SLC12A7: variants seen among roughly 807,000 people sequenced by gnomAD.
SLC12A7 encodes the protein K-Cl cotransporter 4.
In SLC12A7, 100 loss-of-function variants were observed where a neutral mutation model predicts 120.6. The observed-to-expected ratio is 0.83, with a 90% CI of 0.71 to 0.98. The LOEUF (loss-of-function observed/expected upper bound fraction) is 0.98. SLC12A7 is among the 50% of genes least tolerant of loss of function. The probability of loss-of-function intolerance (pLI) is 0.00; values close to 1 mark genes in which losing one functional copy is unlikely to be tolerated. For missense variants in SLC12A7, 1,373 were observed against 1,548.1 expected (o/e 0.89, Z 1.90); for synonymous variants, 760 against 678.0 (o/e 1.12, Z -1.88).
rs979437488 is a variant in SLC12A7, at chr5:1,109,187, G to A, written c.124+2681C>T. Among the ~76,000 whole-genome samples, 42 of 152,242 alleles carry A rather than the reference G, an allele frequency of 2.8e-4. 1 individual carries two copies. Among genetic ancestry groups the A allele is most frequent in the South Asian group, 2.1e-4 (1 of 4,820 alleles). On this transcript the variant is annotated intron_variant, in intron 1 of 23. Transcript: ENST00000264930. ...CACGCTGCACCTTCCAGACAGGCCG[G>A]GGCACTGGCCAGCCCTCCTTTCCCA... is the stretch of plus-strand genomic sequence containing the variant.
intron 8 of SLC12A7, among the ~76,000 whole-genome samples, chr5:1,083,345 G>A (rs1342009266): frequency 1.3e-5 from 2 of 152,300 alleles, no homozygotes; most frequent in South Asian, 4.1e-4. Flanking sequence ...CCCTGCCAGG[G>A]GTCCTTTTCC....
chr5:1,076,134 T>A lies in SLC12A7; in HGVS notation c.1847+4A>T. ...CTCCTCACGCCCGTGCTGAGTGGCC[T>A]CACCAGTGGTAGAACTTGAAGCGTG... On this transcript the variant is annotated splice_donor_region_variant and intron_variant, in intron 14 of 23. Coordinates refer to ENST00000264930, the MANE Select transcript of SLC12A7 (RefSeq NM_006598.3). 1 of 1,608,704 alleles carries A rather than the reference T, an allele frequency of 6.2e-7. No individual in the cohort carries two copies. Among genetic ancestry groups the A allele is most frequent in the Non-Finnish European group, 8.5e-7 (1 of 1,177,852 alleles).
rs936128917 is a variant in SLC12A7, at chr5:1,075,437, G to A, written c.1901C>T (p.Ser634Phe). ...CATGGCGGACAGCGCGTAGTACCAG[G>A]AGCAGATGAACATCAGCGCCAGGCA... ...SLCLALMFIC[S>F]WYYALSAMLI... Residue 634 changes from serine (S) to phenylalanine (F), a missense_variant, in exon 15 of 24, where the codon TCC (serine) becomes TTC (phenylalanine). Ser to Phe is a radical substitution (Grantham distance 155, BLOSUM62 -2). Coordinates refer to ENST00000264930, the MANE Select transcript of SLC12A7 (RefSeq NM_006598.3). 2 of 1,612,502 alleles carry A rather than the reference G, an allele frequency of 1.2e-6. No homozygotes were observed. The highest frequency in any genetic ancestry group is 2.7e-5 in the African/African-American group (2 of 74,936).
At chr5:1,111,467 G>T (rs900086904) in intron 1 of SLC12A7, among the ~76,000 whole-genome samples, 1 of 152,094 alleles carries the variant, frequency 6.6e-6, no homozygotes, top group African/African-American at 2.4e-5. Flanking sequence ...GCAGGGGAAG[G>T]GAGAGCGCGG....
chr5:1,138,296 T>G, the SLC12A7 span, among the ~76,000 whole-genome samples: 21 of 152,206 alleles, frequency 1.4e-4, no homozygotes, highest in African/African-American at 4.8e-5. Flanking sequence ...TTCCCTTATT[T>G]GACCCCACCC....
At chr5:1,052,713 C>T (rs966606905) in intron 23 of SLC12A7, among the ~76,000 whole-genome samples, 4 of 152,158 alleles carry the variant, frequency 2.6e-5, no homozygotes, top group Non-Finnish European at 4.4e-5. Flanking sequence ...ACACAGCCCA[C>T]GGTGCTGACC....
intron 1 of SLC12A7, 80 bp from the exon 2 acceptor site, chr5:1,094,328 G>C: frequency 1.0e-6 from 1 of 986,800 alleles, no homozygotes; most frequent in Non-Finnish European, 1.6e-6. Flanking sequence ...GATCTTGCAC[G>C]GAGGGCTCTG....
chr5:1,065,396 G>A lies in SLC12A7; in HGVS notation c.2324C>T (p.Ser775Phe). 2.5e-6 allele frequency: 4 copies of A among 1,612,686 alleles called. No homozygotes were observed. The highest frequency in any genetic ancestry group is 3.4e-6 in the Non-Finnish European group (4 of 1,179,656). ...CAGGCCGGCCGACTGGATCAGGTGG[G>A]ACATGCCATCCCGCAGGCTGGACGA... Reference protein sequence around the residue: ...VVSSSLRDGMSHLIQSAGLGG... With the variant: ...VVSSSLRDGMFHLIQSAGLGG... Residue 775 changes from serine (S) to phenylalanine (F), a missense_variant, in exon 18 of 24, where the codon TCC becomes TTC. Physicochemically the swap from Ser to Phe is radical, Grantham distance 155. Coordinates refer to ENST00000264930, the MANE Select transcript of SLC12A7 (RefSeq NM_006598.3).
chr5:1,056,370 G>A (rs903144118), intron 22 of SLC12A7, among the ~76,000 whole-genome samples: 8 of 152,162 alleles, frequency 5.3e-5, no homozygotes, highest in Non-Finnish European at 8.8e-5. Context: ...TGGAGCCACC[G>A]TGAACAGAGG....
chr5:1,152,325 C>T, the SLC12A7 span, among the ~76,000 whole-genome samples: 3 of 152,224 alleles, frequency 2.0e-5, no homozygotes, highest in African/African-American at 4.8e-5. Context: ...ACTCTGCGGC[C>T]GGCCACCAAC....
At position 1,060,363 on chromosome 5, in the gene SLC12A7, T is replaced by C; in HGVS notation, c.2828A>G (p.Lys943Arg). ...SQMLKQMQLS[K>R]NEQEREAQLI... ...ACGTACCTCTCGCTCCTGCTCGTTC[T>C]TGGACAGCTGCATCTGCTTCAGCAT... is the stretch of plus-strand genomic sequence containing the variant. Residue 943 changes from lysine to arginine, a missense_variant, in exon 21 of 24, where the codon AAG (lysine) becomes AGG (arginine). Coordinates refer to ENST00000264930, the MANE Select transcript of SLC12A7 (RefSeq NM_006598.3). 1 of 1,613,574 alleles carries C rather than the reference T, an allele frequency of 6.2e-7. No individual in the cohort carries two copies. The highest frequency in any genetic ancestry group is 8.5e-7 in the Non-Finnish European group (1 of 1,179,820).
chr5:1,069,740 G>A (rs1259024620), intron 17 of SLC12A7, among the ~76,000 whole-genome samples: 9 of 150,954 alleles, frequency 6.0e-5, no homozygotes, highest in Non-Finnish European at 1.0e-4. Flanking sequence ...GTGACGTGAC[G>A]TGATGGGACC....
At chr5:1,075,283 G>T (rs1283760529) in intron 15 of SLC12A7, 88 bp downstream of exon 15, 2 of 1,516,990 alleles carry the variant, frequency 1.3e-6, no homozygotes, top group Non-Finnish European at 1.8e-6. Context: ...CCCCAGGGAG[G>T]CCCCTCCAGG....
chr5:1,063,608 T>C (rs1736550704), intron 20 of SLC12A7, among the ~76,000 whole-genome samples: 1 of 149,530 alleles, frequency 6.7e-6, no homozygotes, highest in African/African-American at 2.5e-5. Context: ...CGCCACCACC[T>C]TCTCCTCCCC....
At chr5:1,117,685 A>G in the SLC12A7 span, among the ~76,000 whole-genome samples, 2 of 152,158 alleles carry the variant, frequency 1.3e-5, no homozygotes, top group East Asian at 3.9e-4. This position sits in a 1 kb window ranked among gnomAD's most constrained non-coding sequence, Gnocchi z 4.5. Context: ...ACTCCGCACA[A>G]AAGGACAGCT....
chr5:1,124,986 T>C, the SLC12A7 span, among the ~76,000 whole-genome samples: 1 of 152,084 alleles, frequency 6.6e-6, no homozygotes, highest in African/African-American at 2.4e-5. Flanking sequence ...CCTCGCCCCA[T>C]AACTGGTAAA....
chr5:1,128,847 CAT>C, the SLC12A7 span, among the ~76,000 whole-genome samples: 25 of 152,366 alleles, frequency 1.6e-4, no homozygotes, highest in African/African-American at 5.8e-4. Flanking sequence ...TGCATACACA[CAT>C]ATGTGCACAC....
At chr5:1,125,266 A>C in the SLC12A7 span, among the ~76,000 whole-genome samples, 27 of 99,382 alleles carry the variant, frequency 2.7e-4, no homozygotes, top group Non-Finnish European at 4.1e-4. Flanking sequence ...GTTTTAAACG[A>C]AAGTGTGTGT....
At chr5:1,101,586 G>A (rs188183039) in intron 1 of SLC12A7, among the ~76,000 whole-genome samples, 151 of 152,306 alleles carry the variant, frequency 9.9e-4, no homozygotes, top group Admixed American at 6.5e-3. Context: ...CTGGCCTGAA[G>A]AACTGGCCAC....
Sources: gnomAD v4.1 joint callset for allele counts (sites outside exome capture counted in the v4.1 genomes callset) on GRCh38, gnomAD v4.1.1 for gene constraint, Gnocchi (gnomAD v3.1) non-coding constraint, MANE v1.5 for transcripts, NCBI Gene and HGNC (gene_info 2026-07-23, HGNC 2026-07-21) for gene names.